The following ANXA1 variants were observed in gnomAD, a reference collection of about 807,000 sequenced individuals.
ANXA1 encodes the protein annexin A1.
Under a neutral mutation model 47.9 loss-of-function variants are expected in ANXA1, and 39 were observed. The observed-to-expected ratio is 0.81, with a 90% confidence interval of 0.63 to 1.06. The LOEUF (loss-of-function observed/expected upper bound fraction) is 1.06, where lower values mean the gene tolerates loss of function less well. Among genes scored for constraint, ANXA1 ranks in the 50% least tolerant of loss-of-function variants. The probability of loss-of-function intolerance (pLI) is 0.00; values close to 1 mark genes in which losing one functional copy is unlikely to be tolerated. For missense variants in ANXA1, 446 were observed against 422.7 expected (o/e 1.06, Z -0.48); for synonymous variants, 146 against 142.5 (o/e 1.02, Z -0.17).
At chr9:73,165,787 A>T (rs982506493) in intron 9 of ANXA1, among the ~76,000 whole-genome samples, 6 of 152,080 alleles carry the variant, frequency 3.9e-5, no homozygotes, top group Non-Finnish European at 7.4e-5. Flanking sequence ...ATAAGGGAAG[A>T]TCCATTTGCT....
At chr9:73,156,079 T>C (rs1434233625) in intron 1 of ANXA1, among the ~76,000 whole-genome samples, 1 of 147,388 alleles carries the variant, frequency 6.8e-6, no homozygotes, top group African/African-American at 2.5e-5. Context: ...TTTTGAAGTT[T>C]TTATTTGCTA....
chr9:73,169,296 A>C, intron 12 of ANXA1, 142 bp downstream of exon 12: 1 of 903,704 alleles, frequency 1.1e-6, no homozygotes, highest in South Asian at 2.7e-5. Context: ...CTTCATGAGT[A>C]AATTGAACTT....
At chr9:73,161,976 C>A (rs927294428) in intron 6 of ANXA1, among the ~76,000 whole-genome samples, 1 of 152,114 alleles carries the variant, frequency 6.6e-6, no homozygotes, top group African/African-American at 2.4e-5. Flanking sequence ...ATGGGACCAG[C>A]GTCTGCTTTT....
chr9:73,168,775 G>T, intron 11 of ANXA1: 1 of 295,738 alleles, frequency 3.4e-6, no homozygotes, highest in Non-Finnish European at 6.3e-6. Flanking sequence ...ATTGGACAGT[G>T]TAGAGACCGG....
intron 7 of ANXA1, among the ~76,000 whole-genome samples, chr9:73,163,231 A>T (rs566953492): frequency 1.3e-5 from 2 of 152,152 alleles, no homozygotes; most frequent in African/African-American, 4.8e-5. Context: ...GATCAGCCCC[A>T]GGACCCAAAT....
intron 11 of ANXA1, 169 bp from the exon 12 acceptor site, chr9:73,168,863 C>A (rs1370109848): frequency 7.6e-6 from 4 of 529,502 alleles, no homozygotes; most frequent in Non-Finnish European, 9.3e-6. Context: ...ATTTTCATTT[C>A]ATTACCATTC....
chr9:73,154,100 C>G (rs978704054), intron 1 of ANXA1: 22 of 326,070 alleles, frequency 6.7e-5, no homozygotes, highest in Non-Finnish European at 1.0e-4. Context: ...AACACCCTAT[C>G]GAAAAGCCTG....
chr9:73,159,498 A>T, intron 4 of ANXA1, 75 bp downstream of exon 4: 1 of 1,301,460 alleles, frequency 7.7e-7, no homozygotes. Context: ...AAGCACAGTT[A>T]CCTAGTTCTT....
intron 12 of ANXA1, among the ~76,000 whole-genome samples, chr9:73,169,566 A>G (rs182428363): frequency 1.2e-4 from 18 of 152,302 alleles, no homozygotes; most frequent in Non-Finnish European, 2.5e-4. Flanking sequence ...TCTCATAAGA[A>G]TGTTAAAAAA....
intron 4 of ANXA1, chr9:73,160,025 C>T: frequency 3.2e-6 from 1 of 309,282 alleles, no homozygotes; most frequent in Non-Finnish European, 5.9e-6. Context: ...ATTACTAACC[C>T]TATGCTTTAA....
At position 73,159,428 on chromosome 9, in the gene ANXA1, G is replaced by A; in HGVS notation, c.270+5G>A. On this transcript the variant is annotated splice_donor_5th_base_variant and intron_variant, in intron 4 of 12. Transcript: ENST00000257497. ...TATCTCCAGGAAACAGGAAAGGTAA[G>A]TTAGAGTGGTAAATTTAGATATTTA... 6.2e-7 allele frequency: 1 copy of A among 1,609,360 alleles called. No homozygotes were observed. The highest frequency in any genetic ancestry group is 8.5e-7 in the Non-Finnish European group (1 of 1,176,206).
At chr9:73,163,707 CTT>C in intron 8 of ANXA1, among the ~76,000 whole-genome samples, 175 bp downstream of exon 8, 2 of 152,158 alleles carry the variant, frequency 1.3e-5, no homozygotes, top group Middle Eastern at 6.8e-3. Flanking sequence ...AAAAAGTAGT[CTT>C]TGTAAGTTTT....
intron 10 of ANXA1, 119 bp downstream of exon 10, chr9:73,166,311 A>G (rs111491342): frequency 1.5e-6 from 1 of 685,224 alleles, no homozygotes; most frequent in Non-Finnish European, 2.4e-6. Context: ...AACAATCAGA[A>G]GTAGTGCATC....
intron 6 of ANXA1, among the ~76,000 whole-genome samples, chr9:73,161,194 A>C (rs1409464844): frequency 6.6e-6 from 1 of 152,142 alleles, no homozygotes; most frequent in Non-Finnish European, 1.5e-5. Context: ...AGAGCATTGA[A>C]TTTTTAAAAA....
chr9:73,164,908 T>G (rs1824201411), intron 8 of ANXA1, among the ~76,000 whole-genome samples: 1 of 152,162 alleles, frequency 6.6e-6, no homozygotes, highest in African/African-American at 2.4e-5. Flanking sequence ...CTCTAGTGTT[T>G]ACAAGGCACC....
rs1824301826 is a variant in ANXA1, at chr9:73,170,266, A to G, written c.*159A>G. On this transcript the variant is annotated 3_prime_UTR_variant, in exon 13 of 13. Coordinates refer to ENST00000257497, the MANE Select transcript of ANXA1 (RefSeq NM_000700.3). ...AATCATTTTTATATTATAACTCTGT[A>G]TAATAGAGATAAGTCCATTTTTTAA... The G allele has an allele frequency of 2.1e-6, 1 of 465,428 alleles. No homozygotes were observed. The allele number at this position is 465,428 out of a possible 1,614,324, so 28.8% of individuals were successfully genotyped here.
chr9:73,160,260 T>C lies in ANXA1; in HGVS notation c.271-3T>C. The C allele has an allele frequency of 6.5e-7, 1 of 1,544,212 alleles. No homozygotes were observed. On this transcript the variant is annotated splice_polypyrimidine_tract_variant and splice_region_variant and intron_variant, in intron 4 of 12. Coordinates refer to ENST00000257497, the MANE Select transcript of ANXA1 (RefSeq NM_000700.3). Reference sequence around the variant, plus strand: ...GTCCTGATTCTAATCTTTTTTTTTGTAGCCCCTGGATGAAACACTGAAGAA... The same window carrying C: ...GTCCTGATTCTAATCTTTTTTTTTGCAGCCCCTGGATGAAACACTGAAGAA...
intron 1 of ANXA1, among the ~76,000 whole-genome samples, chr9:73,154,949 C>T (rs1824025266): frequency 6.6e-6 from 1 of 152,114 alleles, no homozygotes; most frequent in African/African-American, 2.4e-5. Context: ...CAGGAAGATA[C>T]AATCAACCAC....
chr9:73,165,545 A>C (rs12336053), intron 9 of ANXA1: 4,911 of 169,324 alleles, frequency 0.029, 291 homozygotes, highest in African/African-American at 0.11. Flanking sequence ...AAAAAAAAAA[A>C]CAAAAAACCC....
Sources: gnomAD v4.1 joint callset for allele counts (sites outside exome capture counted in the v4.1 genomes callset) on GRCh38, gnomAD v4.1.1 for gene constraint, MANE v1.5 for transcripts, NCBI Gene and HGNC (gene_info 2026-07-23, HGNC 2026-07-21) for gene names.